Variants in NMNAT1 observed in about 807,000 individuals in gnomAD.
NMNAT1 encodes nicotinamide/nicotinic acid mononucleotide adenylyltransferase 1.
NMNAT1 carries 11 observed loss-of-function variants against 16.7 expected under a neutral mutation model. The observed-to-expected ratio is 0.66, with a 90% CI of 0.41 to 1.09. NMNAT1 has a LOEUF of 1.09. Among genes scored for constraint, NMNAT1 ranks in the 50% least tolerant of loss-of-function variants. The probability of loss-of-function intolerance (pLI) is 0.00; values close to 1 mark genes in which losing one functional copy is unlikely to be tolerated. For missense variants in NMNAT1, 280 were observed against 332.3 expected (o/e 0.84, Z 1.22); for synonymous variants, 110 against 119.8 (o/e 0.92, Z 0.53).
chr1:9,978,693 TTAAA>T (rs1267342051), intron 3 of NMNAT1, among the ~76,000 whole-genome samples: 1 of 152,170 alleles, frequency 6.6e-6, no homozygotes, highest in African/African-American at 2.4e-5. Flanking sequence ...TTATTGCCCA[TTAAA>T]TAGTCAACTC....
chr1:9,962,698 T>C (rs1641450386), intron 1 of NMNAT1, among the ~76,000 whole-genome samples: 1 of 142,554 alleles, frequency 7.0e-6, no homozygotes, highest in South Asian at 2.3e-4. Flanking sequence ...TTTTTTTTTT[T>C]TGAGACGGAG....
downstream of NMNAT1, among the ~76,000 whole-genome samples, chr1:9,987,957 C>G (rs1642065566): frequency 6.6e-6 from 1 of 152,052 alleles, no homozygotes; most frequent in Non-Finnish European, 1.5e-5. Context: ...TACTTATTTC[C>G]CACTTCATAA....
Position 9,984,281 on chromosome 1 carries a change from AG to A in NMNAT1, c.*1582del, listed in dbSNP as rs1291406838. ...AGGCTGGTCTTGAACTCCTGACCTC[AG>A]GTGATCTGCCCACCTCGGCCTTCCA... On this transcript the variant is annotated 3_prime_UTR_variant, in exon 5 of 5. Transcript: ENST00000377205. The A allele has an allele frequency of 6.6e-6, 1 of 152,194 alleles. No homozygotes were observed. Among genetic ancestry groups the A allele is most frequent in the African/African-American group, 2.4e-5 (1 of 41,416 alleles). The allele number at this position is 152,194 out of a possible 1,614,324, so 9.4% of individuals were successfully genotyped here.
chr1:9,945,436 C>T (rs184901715), intron 1 of NMNAT1, among the ~76,000 whole-genome samples: 205 of 152,244 alleles, frequency 1.3e-3, no homozygotes, highest in Non-Finnish European at 2.0e-3. Context: ...TGTAGTGGCT[C>T]ACACCTGTAA....
At chr1:9,994,760 C>T in the NMNAT1 span, among the ~76,000 whole-genome samples, 1 of 151,914 alleles carries the variant, frequency 6.6e-6, no homozygotes, top group Admixed American at 6.6e-5. Flanking sequence ...TACAGGTGCC[C>T]GCCACCACGC....
intron 4 of NMNAT1, 143 bp downstream of exon 4, chr1:9,981,313 C>T: frequency 1.5e-6 from 2 of 1,313,570 alleles, no homozygotes; most frequent in Non-Finnish European, 1.0e-6. Context: ...CAGCTCACTG[C>T]AAGCTCTGCC....
At chr1:9,951,286 GGTT>G (rs925630035) in intron 1 of NMNAT1, 2 of 152,106 alleles carry the variant, frequency 1.3e-5, no homozygotes, top group African/African-American at 4.8e-5. Flanking sequence ...AAAGTTCAGG[GGTT>G]GTTGTTTCCT....
chr1:9,961,395 G>A (rs1297461444), intron 1 of NMNAT1, among the ~76,000 whole-genome samples: 1 of 152,144 alleles, frequency 6.6e-6, no homozygotes, highest in Non-Finnish European at 1.5e-5. Context: ...TCTGTCTGGT[G>A]CCAGCTGAAC....
At chr1:9,996,230 G>A in the NMNAT1 span, among the ~76,000 whole-genome samples, 2 of 149,520 alleles carry the variant, frequency 1.3e-5, no homozygotes, top group East Asian at 4.0e-4. Flanking sequence ...AGAATGGCGT[G>A]AACCCCGGAG....
chr1:9,975,671 C>G lies in NMNAT1; in HGVS notation c.195C>G (p.His65Gln). The G allele has an allele frequency of 1.9e-6, 3 of 1,613,930 alleles. No homozygotes were observed. Among genetic ancestry groups the G allele is most frequent in the Non-Finnish European group, 2.5e-6 (3 of 1,179,906 alleles). ...AGAAAGGACTCATTCCTGCCTATCA[C>G]CGGGTCATCATGGCAGAACTTGCTA... ...YKKKGLIPAY[H>Q]RVIMAELATK... The change falls in exon 3 of 5, where the codon CAC (histidine) becomes CAG (glutamine). Residue 65 changes from histidine to glutamine, a missense_variant. Transcript: ENST00000377205.
At chr1:9,975,481 G>A (rs1641785090) in intron 2 of NMNAT1, 111 bp from the exon 3 acceptor site, 2 of 896,676 alleles carry the variant, frequency 2.2e-6, no homozygotes, top group African/African-American at 1.7e-5. Flanking sequence ...GGGGAACAGA[G>A]CAAGACTCTG....
chr1:9,947,946 C>T (rs1179784369), intron 1 of NMNAT1, among the ~76,000 whole-genome samples: 2 of 152,188 alleles, frequency 1.3e-5, no homozygotes, highest in Non-Finnish European at 2.9e-5. Context: ...CTGCTCAAAG[C>T]CCTGCAGTGG....
intron 1 of NMNAT1, among the ~76,000 whole-genome samples, chr1:9,954,888 A>T (rs1193094861): frequency 6.7e-6 from 1 of 149,796 alleles, no homozygotes; most frequent in Non-Finnish European, 1.5e-5. Flanking sequence ...CCGAGATCAC[A>T]CCACTGCACT....
the NMNAT1 span, among the ~76,000 whole-genome samples, chr1:9,995,278 A>G: frequency 2.0e-5 from 3 of 152,160 alleles, no homozygotes; most frequent in Non-Finnish European, 2.9e-5. Context: ...ACATGCCTGT[A>G]GTTGTAGCTA....
intron 2 of NMNAT1, among the ~76,000 whole-genome samples, chr1:9,974,405 T>TG (rs1641761111): frequency 6.7e-6 from 1 of 148,914 alleles, no homozygotes; most frequent in Non-Finnish European, 1.5e-5. Flanking sequence ...TTTTTTTTTT[T>TG]GGAGACAGAG....
At position 9,981,124 on chromosome 1, in the gene NMNAT1, A is replaced by G. The variant is rs760382253; in HGVS notation, c.393A>G (p.Glu131=). 1 of 1,613,858 alleles carries G rather than the reference A, an allele frequency of 6.2e-7. No homozygotes were observed. Among genetic ancestry groups the G allele is most frequent in the South Asian group, 1.1e-5 (1 of 91,044 alleles). ...CTGGAAGGAAGAGGAAGTGGACTGAAACACAAGATTCTAGTCAAAAGAAAT... is the reference window on the plus strand; with the variant it reads ...CTGGAAGGAAGAGGAAGTGGACTGAGACACAAGATTCTAGTCAAAAGAAAT... ...ERPGRKRKWT[E]TQDSSQKKSL... Residue 131 remains glutamate, a synonymous_variant, in exon 4 of 5, where the codon GAA becomes GAG. Coordinates refer to ENST00000377205, the MANE Select transcript of NMNAT1 (RefSeq NM_022787.4).
chr1:9,996,013 G>A, the NMNAT1 span, among the ~76,000 whole-genome samples: 1 of 151,158 alleles, frequency 6.6e-6, no homozygotes, highest in Non-Finnish European at 1.5e-5. Flanking sequence ...CGGGGCGATA[G>A]AGTGAGACTC....
intron 1 of NMNAT1, 28 bp from the exon 2 acceptor site, chr1:9,971,990 C>A: frequency 1.3e-6 from 1 of 788,904 alleles, no homozygotes; most frequent in South Asian, 1.5e-5. Context: ...AAATGCATAA[C>A]TGAATTTATT....
At chr1:9,980,865 C>G (rs1641931807) in intron 3 of NMNAT1, among the ~76,000 whole-genome samples, 166 bp from the exon 4 acceptor site, 2 of 151,864 alleles carry the variant, frequency 1.3e-5, no homozygotes, top group Admixed American at 1.3e-4. Flanking sequence ...ACCGTGTTAG[C>G]CAGGATGGTC....
Sources: allele counts gnomAD v4.1 joint callset (sites outside exome capture counted in the v4.1 genomes callset), GRCh38; gene constraint gnomAD v4.1.1; transcripts MANE v1.5; gene names NCBI Gene and HGNC (gene_info 2026-07-23, HGNC 2026-07-21).